DPP10: variants seen among roughly 807,000 people sequenced by gnomAD.
DPP10 encodes the protein dipeptidyl peptidase like 10, also known as inactive dipeptidyl peptidase 10.
Under a neutral mutation model 120.9 loss-of-function variants are expected in DPP10, and 33 were observed. The ratio of observed to expected loss-of-function variants is 0.27; its 90% CI spans 0.21 to 0.37. DPP10 has a LOEUF of 0.37. Ranked by LOEUF, DPP10 falls within the 10% of genes least tolerant of loss-of-function variation. The pLI is 1.00. For missense variants in DPP10, 816 were observed against 942.8 expected (o/e 0.87, Z 1.76); for synonymous variants, 337 against 326.1 (o/e 1.03, Z -0.36).
At position 115,836,255 on chromosome 2, in the gene DPP10, T is replaced by C. The variant is rs78703106; in HGVS notation, c.2049T>C (p.Tyr683=). ...CACCTATCACAGACTTGAAATTGTA[T>C]GGTGAGTACTTTCTACAGACTGACC... The part of the protein sequence containing the change: ...VVAPITDLKL[Y]ASAFSERYLG... Residue 683 remains tyrosine, a splice_region_variant and synonymous_variant, in exon 22 of 26, where the codon TAT becomes TAC. Coordinates refer to ENST00000410059, the MANE Select transcript of DPP10 (RefSeq NM_020868.6). 6.0e-4 allele frequency: 961 copies of C among 1,601,532 alleles called. 6 individuals are homozygous for C. In the African/African-American group the frequency reaches 0.011, roughly 19 times the overall value.
At chr2:114,922,961 C>CTT (rs1162923858) in intron 1 of DPP10, among the ~76,000 whole-genome samples, 1 of 152,072 alleles carries the variant, frequency 6.6e-6, no homozygotes, top group African/African-American at 2.4e-5. Flanking sequence ...TATGAGGAAC[C>CTT]ACCAACTCTA....
At chr2:114,835,207 G>A (rs773174641) in intron 1 of DPP10, 1 of 148,272 alleles carries the variant, frequency 6.7e-6, no homozygotes, top group Non-Finnish European at 1.5e-5. Flanking sequence ...ACATACCTAT[G>A]TATATATAGG....
chr2:115,065,348 G>A (rs1706749014), intron 1 of DPP10, among the ~76,000 whole-genome samples: 1 of 152,088 alleles, frequency 6.6e-6, no homozygotes, highest in Non-Finnish European at 1.5e-5. Context: ...AGATAAGGGA[G>A]TCATGGCCCA....
chr2:114,994,476 T>G (rs1347970543), intron 1 of DPP10, among the ~76,000 whole-genome samples: 1 of 152,162 alleles, frequency 6.6e-6, no homozygotes, highest in African/African-American at 2.4e-5. Context: ...CATTCTTCCC[T>G]TTATGCAAGC....
chr2:115,275,608 T>C (rs1242211335), intron 1 of DPP10, among the ~76,000 whole-genome samples: 3 of 152,026 alleles, frequency 2.0e-5, no homozygotes, highest in Non-Finnish European at 2.9e-5. Context: ...TTGGATATTA[T>C]ATAAAAATTA....
chr2:115,706,069 G>T (rs143073623), intron 7 of DPP10, among the ~76,000 whole-genome samples: 24 of 151,820 alleles, frequency 1.6e-4, no homozygotes, highest in Middle Eastern at 6.8e-3. Flanking sequence ...ATGTATTTAG[G>T]TATATATTTA....
rs141485389 is a variant in DPP10 at position 115,229,345 on chromosome 2, T to G, written c.61-79894T>G. Among the ~76,000 whole-genome samples, 571 of 152,278 alleles carry G rather than the reference T, an allele frequency of 3.7e-3. 2 individuals are homozygous for G. Among genetic ancestry groups the G allele is most frequent in the Middle Eastern group, 0.014 (4 of 294 alleles). On this transcript the variant is annotated intron_variant, in intron 1 of 25. Transcript: ENST00000410059. ...TAGGTTGTCTCTTCACTTTGTTGAT[T>G]GTTTCCTTTGCTGTGCAGAAGCTTT...
Position 115,203,964 on chromosome 2 carries a change from GA to G in DPP10, c.61-105274del, listed in dbSNP as rs533411891. On this transcript the variant is annotated intron_variant, in intron 1 of 25. Coordinates refer to ENST00000410059, the MANE Select transcript of DPP10 (RefSeq NM_020868.6). ...CTCTAGGTTAAGAATAAATATCATA[GA>G]GAAACTTTATTGTCAAATGAATACC... 4.8e-3 allele frequency among the ~76,000 whole-genome samples: 730 copies of G among 152,188 alleles called. 3 individuals carry two copies. Among genetic ancestry groups the G allele is most frequent in the African/African-American group, 0.017 (708 of 41,536 alleles).
intron 3 of DPP10, among the ~76,000 whole-genome samples, chr2:115,391,423 T>G (rs989639589): frequency 3.9e-4 from 59 of 152,228 alleles, no homozygotes; most frequent in African/African-American, 1.3e-3. Context: ...GAGAATACAC[T>G]GAGTAAATAC....
chr2:114,467,987 C>T (rs1209176390), intron 1 of DPP10, among the ~76,000 whole-genome samples: 2 of 152,156 alleles, frequency 1.3e-5, no homozygotes, highest in Non-Finnish European at 2.9e-5. Flanking sequence ...AGCCACTGCA[C>T]TTCAGTTGGT....
intron 5 of DPP10, among the ~76,000 whole-genome samples, chr2:115,595,449 C>G (rs913659228): frequency 6.6e-6 from 1 of 151,890 alleles, no homozygotes; most frequent in Non-Finnish European, 1.5e-5. Context: ...TTTTATAGAC[C>G]CTTTTATAAA....
intron 1 of DPP10, among the ~76,000 whole-genome samples, chr2:114,684,533 C>T (rs1433391995): frequency 6.6e-6 from 1 of 151,976 alleles, no homozygotes; most frequent in African/African-American, 2.4e-5. Context: ...CTTTCTTCAG[C>T]ACTTTGTTAA....
At chr2:114,984,784 C>A (rs1700296842) in intron 1 of DPP10, among the ~76,000 whole-genome samples, 1 of 152,142 alleles carries the variant, frequency 6.6e-6, no homozygotes, top group Non-Finnish European at 1.5e-5. Context: ...CCTTGAGGTT[C>A]ATTTCCAAAA....
chr2:115,149,635 T>C (rs1490975424), intron 1 of DPP10, among the ~76,000 whole-genome samples: 1 of 152,242 alleles, frequency 6.6e-6, no homozygotes, highest in African/African-American at 2.4e-5. Flanking sequence ...TTATCTGGTG[T>C]GCTCCTTTTC....
chr2:115,537,204 A>G (rs1159443667), intron 5 of DPP10, among the ~76,000 whole-genome samples: 1 of 152,010 alleles, frequency 6.6e-6, no homozygotes, highest in Non-Finnish European at 1.5e-5. Context: ...ACCTATATAT[A>G]CTTGTATTAA....
At chr2:115,618,139 C>A (rs1281148225) in intron 5 of DPP10, among the ~76,000 whole-genome samples, 2 of 152,016 alleles carry the variant, frequency 1.3e-5, no homozygotes, top group Non-Finnish European at 2.9e-5. Context: ...AAAGCAAAAC[C>A]AAGGATAAGG....
intron 8 of DPP10, among the ~76,000 whole-genome samples, chr2:115,731,841 A>C (rs1358421726): frequency 6.6e-6 from 1 of 152,128 alleles, no homozygotes; most frequent in Non-Finnish European, 1.5e-5. Flanking sequence ...CATGACTTCA[A>C]TGTTAAGGTT....
At chr2:115,149,489 T>A (rs72837538) in intron 1 of DPP10, among the ~76,000 whole-genome samples, 1,885 of 152,342 alleles carry the variant, frequency 0.012, 15 homozygotes, top group Non-Finnish European at 0.02. Flanking sequence ...CAATGCACTG[T>A]AATTTTTATC....
intron 1 of DPP10, chr2:114,833,194 C>T (rs1411106358): frequency 6.6e-6 from 1 of 151,034 alleles, no homozygotes; most frequent in Non-Finnish European, 1.5e-5. Flanking sequence ...ATATGAAGTC[C>T]CTTGAAAGAA....
Sources: allele counts gnomAD v4.1 joint callset (sites outside exome capture counted in the v4.1 genomes callset), GRCh38; gene constraint gnomAD v4.1.1; transcripts MANE v1.5; gene names NCBI Gene and HGNC (gene_info 2026-07-23, HGNC 2026-07-21).